TENM2: variants seen among roughly 807,000 people sequenced by gnomAD.
TENM2 encodes teneurin transmembrane protein 2.
In TENM2, 52 loss-of-function variants were observed where a neutral mutation model predicts 245.2. That is an observed-to-expected ratio of 0.21 (90% CI 0.17 to 0.27). TENM2 has a LOEUF of 0.27. Ranked by LOEUF, TENM2 falls within the 10% of genes least tolerant of loss-of-function variation. TENM2 has a pLI of 1.00. For synonymous variants in TENM2, 1,363 were observed against 1,438.9 expected (o/e 0.95, Z 1.19); for missense variants, 3,046 against 3,666.8 (o/e 0.83, Z 4.37).
intron 2 of TENM2, among the ~76,000 whole-genome samples, chr5:167,492,509 T>C (rs1025187067): frequency 6.6e-6 from 1 of 151,988 alleles, no homozygotes; most frequent in Non-Finnish European, 1.5e-5. Flanking sequence ...ATTAAGGAGG[T>C]TGTGAGCAAA....
At chr5:167,708,805 C>G (rs1394409512) in intron 2 of TENM2, among the ~76,000 whole-genome samples, 1 of 152,118 alleles carries the variant, frequency 6.6e-6, no homozygotes, top group East Asian at 1.9e-4. Flanking sequence ...CTGACTAATA[C>G]TATATATGTT....
the TENM2 span, among the ~76,000 whole-genome samples, chr5:167,034,356 C>T: frequency 2.0e-5 from 3 of 151,274 alleles, no homozygotes; most frequent in South Asian, 2.1e-4. Flanking sequence ...TTTGGCCGGG[C>T]GCGGTGGCTC....
chr5:167,674,543 A>G (rs1303360235), intron 2 of TENM2, among the ~76,000 whole-genome samples: 2 of 152,148 alleles, frequency 1.3e-5, no homozygotes, highest in Admixed American at 1.3e-4. Context: ...GAAAATAATA[A>G]TAATTTTTAA....
intron 2 of TENM2, among the ~76,000 whole-genome samples, chr5:167,708,496 T>C (rs1032101303): frequency 6.6e-6 from 1 of 152,222 alleles, no homozygotes; most frequent in Non-Finnish European, 1.5e-5. Flanking sequence ...TCCTGAGTTC[T>C]AGCCAATGAG....
chr5:167,614,950 G>T (rs990831297), intron 2 of TENM2, among the ~76,000 whole-genome samples: 1 of 152,110 alleles, frequency 6.6e-6, no homozygotes, highest in African/African-American at 2.4e-5. Context: ...GTCACTGACG[G>T]CTCTGACTGG....
chr5:167,589,332 T>C (rs1455410094), intron 2 of TENM2, among the ~76,000 whole-genome samples: 4 of 152,190 alleles, frequency 2.6e-5, no homozygotes, highest in African/African-American at 7.2e-5. Context: ...ACACAAATTA[T>C]TTAACAATAG....
chr5:167,219,519 G>A, the TENM2 span, among the ~76,000 whole-genome samples: 9 of 152,276 alleles, frequency 5.9e-5, no homozygotes, highest in African/African-American at 1.9e-4. Flanking sequence ...GCTCTTTACA[G>A]GGCCATTGTT....
intron 9 of TENM2, among the ~76,000 whole-genome samples, chr5:168,109,892 C>T (rs1333537095): frequency 6.6e-6 from 1 of 152,150 alleles, no homozygotes; most frequent in East Asian, 1.9e-4. Context: ...TTGGTGGCCA[C>T]GTGCAAGTCC....
the TENM2 span, among the ~76,000 whole-genome samples, chr5:167,211,445 A>G: frequency 6.6e-6 from 1 of 152,258 alleles, no homozygotes; most frequent in East Asian, 1.9e-4. Flanking sequence ...AGAAAAAATC[A>G]TTTATAATAC....
intron 2 of TENM2, among the ~76,000 whole-genome samples, chr5:167,631,297 C>A (rs4472280): frequency 0.078 from 11,808 of 152,148 alleles, 1,082 homozygotes; most frequent in East Asian, 0.3. Flanking sequence ...TATTTCACGG[C>A]AGATGGTCTG....
chr5:167,420,403 T>C (rs1049376453), intron 2 of TENM2, among the ~76,000 whole-genome samples: 1 of 152,162 alleles, frequency 6.6e-6, no homozygotes, highest in Non-Finnish European at 1.5e-5. Context: ...ATAAGTATGA[T>C]GGCAAGTGGA....
At chr5:168,259,407 G>A (rs1485253593) in intron 27 of TENM2, among the ~76,000 whole-genome samples, 1 of 152,066 alleles carries the variant, frequency 6.6e-6, no homozygotes, top group African/African-American at 2.4e-5. Context: ...GACCAACATG[G>A]AGAAACCCTG....
At chr5:167,662,305 CTT>C (rs1204586676) in intron 2 of TENM2, among the ~76,000 whole-genome samples, 1 of 152,170 alleles carries the variant, frequency 6.6e-6, no homozygotes, top group Non-Finnish European at 1.5e-5. Flanking sequence ...TCTCACAGCT[CTT>C]GAGAGAAGCT....
intron 2 of TENM2, among the ~76,000 whole-genome samples, chr5:167,839,296 G>A (rs966766128): frequency 9.2e-5 from 14 of 152,290 alleles, no homozygotes; most frequent in African/African-American, 3.4e-4. Context: ...GAAGGCAACT[G>A]TTTATTCAGC....
At chr5:167,635,219 G>A (rs1267858752) in intron 2 of TENM2, among the ~76,000 whole-genome samples, 1 of 152,026 alleles carries the variant, frequency 6.6e-6, no homozygotes, top group Non-Finnish European at 1.5e-5. Flanking sequence ...AGATAATGTG[G>A]GTTTGTGCCT....
At chr5:167,256,436 A>G in the TENM2 span, among the ~76,000 whole-genome samples, 1 of 152,140 alleles carries the variant, frequency 6.6e-6, no homozygotes, top group Admixed American at 6.6e-5. Flanking sequence ...TAATGGAGCA[A>G]TTGTGATAGT....
At position 168,244,828 on chromosome 5, in the gene TENM2, G is replaced by T; in HGVS notation, c.5817+112G>T. 1 of 911,214 alleles carries T rather than the reference G, an allele frequency of 1.1e-6. No individual in the cohort carries two copies. The highest frequency in any genetic ancestry group is 1.5e-6 in the Non-Finnish European group (1 of 679,528). The allele number at this position is 911,214 out of a possible 1,614,324, so 56.4% of individuals were successfully genotyped here. On this transcript the variant is annotated intron_variant, in intron 26 of 28. Coordinates refer to ENST00000518659, the Ensembl canonical transcript of TENM2. The surrounding 1 kb of genome is among the most constrained non-coding windows in gnomAD (Gnocchi z 4.9). ...TCTGTTGCCCAGGCTGGAGTGCAGT[G>T]GCATGATCTCGGCTCACTGCAACCT...
chr5:167,229,362 A>G, the TENM2 span, among the ~76,000 whole-genome samples: 7 of 152,176 alleles, frequency 4.6e-5, no homozygotes, highest in African/African-American at 1.7e-4. Flanking sequence ...GGTCCTCTAG[A>G]TAGCTTGCTC....
At chr5:167,354,640 T>C (rs529306584) in intron 1 of TENM2, among the ~76,000 whole-genome samples, 15 of 152,288 alleles carry the variant, frequency 9.8e-5, no homozygotes, top group Non-Finnish European at 2.2e-4. Context: ...GTATATAGCC[T>C]TTGAAGTCAA....
Sources: allele counts gnomAD v4.1 joint callset (sites outside exome capture counted in the v4.1 genomes callset), GRCh38; gene constraint gnomAD v4.1.1; non-coding constraint Gnocchi (gnomAD v3.1); transcripts MANE v1.5; gene names NCBI Gene and HGNC (gene_info 2026-07-23, HGNC 2026-07-21).